Variants in UNC5D observed in about 807,000 individuals in gnomAD.
UNC5D encodes the protein netrin receptor UNC5D.
In UNC5D, 39 loss-of-function variants were observed where a neutral mutation model predicts 105.4. The observed-to-expected ratio is 0.37, with a 90% confidence interval of 0.29 to 0.48. UNC5D has a LOEUF of 0.48. Among genes scored for constraint, UNC5D ranks in the 20% least tolerant of loss-of-function variants. UNC5D has a pLI of 0.98. For missense variants in UNC5D, 991 were observed against 1,202.4 expected (o/e 0.82, Z 2.60); for synonymous variants, 452 against 450.4 (o/e 1.00, Z -0.04).
rs559393546 is a variant in UNC5D at position 35,516,089 on chromosome 8, A to G, written c.104-33203A>G. 3.3e-5 allele frequency among the ~76,000 whole-genome samples: 5 copies of G among 152,162 alleles called. No individual in the cohort carries two copies. The South Asian group carries it at 1.0e-3, about 32-fold the overall frequency. On this transcript the variant is annotated intron_variant, in intron 1 of 16. Transcript: ENST00000404895. ...TCATTTATCATCCTACTTATTTATC[A>G]CACTTAAATATTGCCTACCCATTGT... is the stretch of plus-strand genomic sequence containing the variant.
chr8:35,745,512 T>C (rs1829956404), intron 11 of UNC5D, among the ~76,000 whole-genome samples: 1 of 152,184 alleles, frequency 6.6e-6, no homozygotes, highest in African/African-American at 2.4e-5. Flanking sequence ...GCCTAAGGCA[T>C]TGAGAATTTA....
At chr8:35,559,364 A>G (rs962055651) in intron 2 of UNC5D, among the ~76,000 whole-genome samples, 10 of 152,188 alleles carry the variant, frequency 6.6e-5, no homozygotes, top group Non-Finnish European at 1.5e-4. Context: ...CCGGTTGGTA[A>G]GCCAAGCATC....
At chr8:35,253,758 G>A (rs1198953707) in intron 1 of UNC5D, among the ~76,000 whole-genome samples, 1 of 151,934 alleles carries the variant, frequency 6.6e-6, no homozygotes, top group Non-Finnish European at 1.5e-5. Context: ...CAAAATGCTG[G>A]GATTATAGGT....
intron 1 of UNC5D, among the ~76,000 whole-genome samples, chr8:35,261,624 G>C (rs978923733): frequency 4.7e-5 from 7 of 150,132 alleles, no homozygotes; most frequent in African/African-American, 1.5e-4. Context: ...GAAATGATTT[G>C]TGTGTGTAGG....
chr8:35,574,051 T>C (rs994665476), intron 3 of UNC5D, among the ~76,000 whole-genome samples: 1 of 152,246 alleles, frequency 6.6e-6, no homozygotes, highest in Admixed American at 6.5e-5. Flanking sequence ...CGCCATGGCA[T>C]CTGTTACTTC....
intron 4 of UNC5D, among the ~76,000 whole-genome samples, chr8:35,630,377 A>C (rs1009620148): frequency 6.6e-6 from 1 of 152,236 alleles, no homozygotes; most frequent in African/African-American, 2.4e-5. Flanking sequence ...CCCTGATCTC[A>C]GAAAATAAGT....
intron 10 of UNC5D, among the ~76,000 whole-genome samples, chr8:35,729,618 A>G (rs912176404): frequency 6.6e-6 from 1 of 152,228 alleles, no homozygotes; most frequent in African/African-American, 2.4e-5. Flanking sequence ...TTCCGAGCAC[A>G]CTGGATGTCC....
chr8:35,482,948 G>A (rs1012297673), intron 1 of UNC5D, among the ~76,000 whole-genome samples: 17 of 151,570 alleles, frequency 1.1e-4, no homozygotes, highest in South Asian at 6.3e-4. Context: ...GATTACAGGC[G>A]CCTGCCACCA....
chr8:35,491,828 C>G (rs1811232335), intron 1 of UNC5D, among the ~76,000 whole-genome samples: 1 of 152,086 alleles, frequency 6.6e-6, no homozygotes, highest in Non-Finnish European at 1.5e-5. Flanking sequence ...CCTTTAGTTT[C>G]CAGAAACTGA....
chr8:35,337,831 A>G (rs1396286274), intron 1 of UNC5D, among the ~76,000 whole-genome samples: 1 of 151,856 alleles, frequency 6.6e-6, no homozygotes, highest in Non-Finnish European at 1.5e-5. Flanking sequence ...TGGTAATCAT[A>G]TTTTTAGTTA....
intron 1 of UNC5D, among the ~76,000 whole-genome samples, chr8:35,257,220 C>T (rs1254817820): frequency 1.3e-5 from 2 of 152,062 alleles, no homozygotes; most frequent in African/African-American, 2.4e-5. Context: ...CCACCTGCCT[C>T]GGCCTCCCAA....
chr8:35,563,268 C>T (rs1236772238), intron 2 of UNC5D, among the ~76,000 whole-genome samples: 3 of 144,786 alleles, frequency 2.1e-5, no homozygotes, highest in African/African-American at 2.6e-5. Context: ...TGTGTATGTC[C>T]TCTTCGATTT....
chr8:35,275,368 G>T (rs1438005395), intron 1 of UNC5D, among the ~76,000 whole-genome samples: 1 of 151,850 alleles, frequency 6.6e-6, no homozygotes, highest in Admixed American at 6.6e-5. Flanking sequence ...GTGTCCTAAT[G>T]TCAGGTAAAG....
chr8:35,403,547 C>G (rs113753796), intron 1 of UNC5D, among the ~76,000 whole-genome samples: 1,744 of 152,256 alleles, frequency 0.011, 32 homozygotes, highest in African/African-American at 0.04. Context: ...GATTTCTTTG[C>G]ACTTTGGAAT....
intron 1 of UNC5D, among the ~76,000 whole-genome samples, chr8:35,339,988 G>A (rs763942931): frequency 1.7e-4 from 26 of 152,116 alleles, no homozygotes; most frequent in Admixed American, 1.2e-3. Flanking sequence ...GTTTACACAC[G>A]TCTCCTTTAA....
chr8:35,606,010 CAG>C (rs746738709), intron 4 of UNC5D, among the ~76,000 whole-genome samples: 1 of 150,582 alleles, frequency 6.6e-6, no homozygotes, highest in Non-Finnish European at 1.5e-5. Flanking sequence ...TTTTTTGAGA[CAG>C]AGTCTCACTC....
At chr8:35,330,662 G>A (rs371977023) in intron 1 of UNC5D, among the ~76,000 whole-genome samples, 18 of 152,266 alleles carry the variant, frequency 1.2e-4, no homozygotes, top group African/African-American at 3.9e-4. Flanking sequence ...CTAACCTTGA[G>A]TTTGGAAATC....
chr8:35,678,563 A>G (rs1235701298), intron 4 of UNC5D, among the ~76,000 whole-genome samples: 1 of 152,140 alleles, frequency 6.6e-6, no homozygotes, highest in Non-Finnish European at 1.5e-5. Context: ...TTCTCTTCCA[A>G]TGTTTACGTT....
chr8:35,471,131 G>T lies in UNC5D; in HGVS notation c.104-78161G>T, dbSNP rs188593271. Among the ~76,000 whole-genome samples, 117 of 152,154 alleles carry T rather than the reference G, an allele frequency of 7.7e-4. 1 individual carries two copies. The highest frequency in any genetic ancestry group is 2.9e-3 in the South Asian group (14 of 4,808). On this transcript the variant is annotated intron_variant, in intron 1 of 16. Coordinates refer to ENST00000404895, the MANE Select transcript of UNC5D (RefSeq NM_080872.4). Reference sequence around the variant, plus strand: ...CAACCCCTCCCCTCAATACCGAGCTGTTGCTTGAGAAGGAATATTCTGTGA... The same window carrying T: ...CAACCCCTCCCCTCAATACCGAGCTTTTGCTTGAGAAGGAATATTCTGTGA...
Sources: gnomAD v4.1 joint callset for allele counts (sites outside exome capture counted in the v4.1 genomes callset) on GRCh38, gnomAD v4.1.1 for gene constraint, MANE v1.5 for transcripts, NCBI Gene and HGNC (gene_info 2026-07-23, HGNC 2026-07-21) for gene names.